INSR: variants seen among roughly 807,000 people sequenced by gnomAD.
The protein encoded by INSR is insulin receptor, also known as IR.
In INSR, 67 loss-of-function variants were observed where a neutral mutation model predicts 142.6. The observed-to-expected ratio is 0.47, with a 90% CI of 0.39 to 0.58. The LOEUF (loss-of-function observed/expected upper bound fraction) is 0.58, where lower values mean the gene tolerates loss of function less well. Among genes scored for constraint, INSR ranks in the 20% least tolerant of loss-of-function variants. INSR has a pLI of 0.00. For synonymous variants in INSR, 756 were observed against 743.1 expected, an observed-to-expected ratio of 1.02 and a Z score of -0.28; for missense variants, 1,248 against 1,833.2, an observed-to-expected ratio of 0.68 and a Z score of 5.83.
chr19:7,151,484 A>C, intron 10 of INSR, among the ~76,000 whole-genome samples: 1 of 146,066 alleles, frequency 6.8e-6, no homozygotes, highest in Non-Finnish European at 1.5e-5. Context: ...ATAGGGTCTC[A>C]CTCTGTTGCT....
intron 13 of INSR, among the ~76,000 whole-genome samples, chr19:7,133,058 TAG>T (rs1450383972): frequency 2.6e-5 from 4 of 151,976 alleles, no homozygotes; most frequent in African/African-American, 9.7e-5. Flanking sequence ...GCCCAGGAGT[TAG>T]AGACCAACCT....
In INSR at chr19:7,267,799, G is replaced by T; in HGVS notation, c.198C>A (p.Phe66Leu). 1 of 1,614,084 alleles carries T rather than the reference G, an allele frequency of 6.2e-7. No homozygotes were observed. Residue 66 changes from phenylalanine (F) to leucine (L), a missense_variant, in exon 2 of 22, where the codon TTC becomes TTA. By Grantham distance (22) the Phe-to-Leu change is conservative (BLOSUM62 0). Around this residue, in one of 3 missense-constraint regions of INSR, gnomAD observed 1,069 missense variants for 1,654.0 expected, o/e 0.65. Coordinates refer to ENST00000302850, the MANE Select transcript of INSR (RefSeq NM_000208.4). This position sits in a 1 kb window ranked among gnomAD's most constrained non-coding sequence, Gnocchi z 6.3. Reference protein sequence around the residue: ...IEGHLQILLMFKTRPEDFRDL... With the variant: ...IEGHLQILLMLKTRPEDFRDL... ...CTCGGAAATCTTCGGGCCTCGTTTT[G>T]AACATCAAGAGTATCTGCAAGTGTC...
At chr19:7,161,071 A>G (rs1316541646) in intron 9 of INSR, among the ~76,000 whole-genome samples, 1 of 149,736 alleles carries the variant, frequency 6.7e-6, no homozygotes, top group Admixed American at 6.7e-5. Flanking sequence ...GACTTTAAAT[A>G]TTATTCCATT....
intron 2 of INSR, among the ~76,000 whole-genome samples, chr19:7,241,330 C>T (rs765668831): frequency 4.0e-5 from 6 of 151,842 alleles, no homozygotes; most frequent in Non-Finnish European, 7.4e-5. Flanking sequence ...AAGAACATGC[C>T]GCCACCCCCG....
chr19:7,274,859 C>T (rs1968019623), intron 1 of INSR, among the ~76,000 whole-genome samples: 1 of 151,428 alleles, frequency 6.6e-6, no homozygotes, highest in East Asian at 1.9e-4. Flanking sequence ...AGAGTATCAT[C>T]GAAAATGTAG....
chr19:7,152,826 A>G lies in INSR; in HGVS notation c.2131T>C (p.Ser711Pro). ...EYEDSAGECCSCPKTDSQILK... is the reference protein window; with the variant it reads ...EYEDSAGECCPCPKTDSQILK... ...ATCTGAGAGTCTGTCTTTGGACAGGAGCAGCATTCGCCGGCCGAATCCTCA... is the reference window on the plus strand; with the variant it reads ...ATCTGAGAGTCTGTCTTTGGACAGGGGCAGCATTCGCCGGCCGAATCCTCA... Residue 711 changes from serine to proline, a missense_variant, in exon 10 of 22, where the codon TCC (serine) becomes CCC (proline). By Grantham distance (74) the Ser-to-Pro change is moderately conservative (BLOSUM62 -1). This residue lies in a region of INSR where 1,069 missense variants were observed against 1,654.0 expected (regional missense o/e 0.65). Coordinates refer to ENST00000302850, the MANE Select transcript of INSR (RefSeq NM_000208.4). The G allele has an allele frequency of 6.2e-7, 1 of 1,613,490 alleles. No individual in the cohort carries two copies.
chr19:7,227,333 C>T (rs1296188444), intron 2 of INSR, among the ~76,000 whole-genome samples: 2 of 151,532 alleles, frequency 1.3e-5, no homozygotes, highest in Admixed American at 6.6e-5. Context: ...AGTGCAGTGG[C>T]GTGATCACAG....
rs1968384190 is a variant in INSR, at chr19:7,287,905, C to A, written c.100+5887G>T. 1.3e-5 allele frequency among the ~76,000 whole-genome samples: 2 copies of A among 152,150 alleles called. 1 individual carries two copies. The highest frequency in any genetic ancestry group is 4.1e-4 in the South Asian group (2 of 4,826). On this transcript the variant is annotated intron_variant, in intron 1 of 21. Transcript: ENST00000302850. ...CCATGGAATTCCTGTTTTAACTACT[C>A]AACCTGCCGTGTCGGGGCATTTTTG...
intron 13 of INSR, among the ~76,000 whole-genome samples, chr19:7,141,306 C>T (rs111892938): frequency 0.019 from 2,837 of 152,192 alleles, 49 homozygotes; most frequent in African/African-American, 0.044. Flanking sequence ...CTGCCTGCCT[C>T]GGCCTCCCAA....
chr19:7,195,440 C>A (rs949082781), intron 2 of INSR, among the ~76,000 whole-genome samples: 1 of 151,852 alleles, frequency 6.6e-6, no homozygotes, highest in East Asian at 1.9e-4. Context: ...ATCAGGAGTT[C>A]GAGACCAGCC....
intron 6 of INSR, among the ~76,000 whole-genome samples, chr19:7,169,326 T>G (rs910065774): frequency 6.6e-6 from 1 of 151,982 alleles, no homozygotes; most frequent in African/African-American, 2.4e-5. Context: ...TCTCAGCACT[T>G]TGGGAGGCCG....
chr19:7,129,022 A>G (rs1358623579), intron 14 of INSR, 68 bp from the exon 15 acceptor site: 2 of 1,294,784 alleles, frequency 1.5e-6, no homozygotes, highest in African/African-American at 1.5e-5. Context: ...ATCAAAAATC[A>G]CATCCACTCC....
At chr19:7,131,412 C>T (rs1247725109) in intron 14 of INSR, among the ~76,000 whole-genome samples, 1 of 151,830 alleles carries the variant, frequency 6.6e-6, no homozygotes, top group African/African-American at 2.4e-5. Flanking sequence ...GTGGCACGAT[C>T]TCGGTTCACT....
chr19:7,214,064 G>A (rs1652646055), intron 2 of INSR, among the ~76,000 whole-genome samples: 1 of 152,128 alleles, frequency 6.6e-6, no homozygotes, highest in South Asian at 2.1e-4. Context: ...AGCAACCTGG[G>A]CGAGAAGTCT....
At position 7,255,896 on chromosome 19, in the gene INSR, G is replaced by A. The variant is rs187080548; in HGVS notation, c.652+11449C>T. On this transcript the variant is annotated intron_variant, in intron 2 of 21. Transcript: ENST00000302850. ...ACCCAACCTCATCTTCTTTCTTTGT[G>A]ATCCTTGCCACCCAAACCAAAGCAC... Among the ~76,000 whole-genome samples, 593 of 151,838 alleles carry A rather than the reference G, an allele frequency of 3.9e-3. 8 individuals are homozygous for A. Among genetic ancestry groups the A allele is most frequent in the African/African-American group, 0.014 (570 of 41,414 alleles).
chr19:7,224,442 A>C (rs1384316291), intron 2 of INSR, among the ~76,000 whole-genome samples: 1 of 152,096 alleles, frequency 6.6e-6, no homozygotes, highest in Non-Finnish European at 1.5e-5. Context: ...GGAAGCTCTG[A>C]AAACCCATTC....
At chr19:7,237,838 AAATT>A (rs1382512411) in intron 2 of INSR, among the ~76,000 whole-genome samples, 6 of 51,490 alleles carry the variant, frequency 1.2e-4, no homozygotes, top group East Asian at 6.7e-4. Context: ...AAATAAAATT[AAATT>A]AAATTAAATT....
chr19:7,271,181 G>T lies in INSR; in HGVS notation c.101-3285C>A, dbSNP rs139001849. Among the ~76,000 whole-genome samples, 689 of 152,264 alleles carry T rather than the reference G, an allele frequency of 4.5e-3. 3 individuals carry two copies. The highest frequency in any genetic ancestry group is 0.016 in the African/African-American group (660 of 41,552). Reference sequence around the variant, plus strand: ...TAGGATAGCTAAAACCAAAAAGAGTGACAATTACAAGTGCAAAGAATGTAA... The same window carrying T: ...TAGGATAGCTAAAACCAAAAAGAGTTACAATTACAAGTGCAAAGAATGTAA... On this transcript the variant is annotated intron_variant, in intron 1 of 21. Coordinates refer to ENST00000302850, the MANE Select transcript of INSR (RefSeq NM_000208.4).
chr19:7,235,914 C>T (rs1260468488), intron 2 of INSR, among the ~76,000 whole-genome samples: 1 of 150,564 alleles, frequency 6.6e-6, no homozygotes, highest in African/African-American at 2.4e-5. Flanking sequence ...AACTCTCATA[C>T]ATTGCTGGTG....
Sources: gnomAD v4.1 joint callset for allele counts (sites outside exome capture counted in the v4.1 genomes callset) on GRCh38, gnomAD v4.1.1 for gene constraint, gnomAD v4.1.1 regional missense constraint, Gnocchi (gnomAD v3.1) non-coding constraint, MANE v1.5 for transcripts, NCBI Gene and HGNC (gene_info 2026-07-23, HGNC 2026-07-21) for gene names.